ELMOD1: variants seen among roughly 807,000 people sequenced by gnomAD.
The protein encoded by ELMOD1 is ELMO domain-containing protein 1.
A neutral mutation model predicts 46.7 loss-of-function variants in ELMOD1; 21 were observed. The observed-to-expected ratio is 0.45, with a 90% CI of 0.32 to 0.65. The LOEUF (loss-of-function observed/expected upper bound fraction) is 0.65. ELMOD1 is among the 30% of genes least tolerant of loss of function. The pLI is 0.04. For missense variants in ELMOD1, 348 were observed against 407.8 expected (o/e 0.85, Z 1.26); for synonymous variants, 122 against 138.2 (o/e 0.88, Z 0.82).
intron 2 of ELMOD1, among the ~76,000 whole-genome samples, chr11:107,629,755 G>A (rs192903098): frequency 2.6e-5 from 4 of 152,294 alleles, no homozygotes; most frequent in East Asian, 1.9e-4. Context: ...AGGTCGTCAC[G>A]TCTAGGAAAA....
At chr11:107,647,398 G>T in intron 6 of ELMOD1, 70 bp from the exon 7 acceptor site, 1 of 1,452,244 alleles carries the variant, frequency 6.9e-7, no homozygotes, top group South Asian at 1.4e-5. Context: ...TCCTAATAAT[G>T]TAGTTTACAA....
In ELMOD1 at chr11:107,628,658, C is replaced by T. The variant is rs377235489; in HGVS notation, c.18-1759C>T. On this transcript the variant is annotated intron_variant, in intron 2 of 11. Coordinates refer to ENST00000265840, the MANE Select transcript of ELMOD1 (RefSeq NM_018712.4). ...AACAGTAAATCCATTTTTGTCTTTCCGCAGAATCTGGTTGACTTTGTACTG... is the reference window on the plus strand; with the variant it reads ...AACAGTAAATCCATTTTTGTCTTTCTGCAGAATCTGGTTGACTTTGTACTG... 1.7e-4 allele frequency among the ~76,000 whole-genome samples: 26 copies of T among 151,394 alleles called. 1 individual carries two copies. Among genetic ancestry groups the T allele is most frequent in the African/African-American group, 5.6e-4 (23 of 41,374 alleles).
intron 10 of ELMOD1, among the ~76,000 whole-genome samples, chr11:107,654,893 T>C (rs1318941488): frequency 6.6e-6 from 1 of 152,234 alleles, no homozygotes. Flanking sequence ...CCAAAAATAT[T>C]TCTGAATAGA....
intron 10 of ELMOD1, 148 bp downstream of exon 10, chr11:107,654,370 TG>T (rs1866584337): frequency 1.0e-5 from 7 of 697,652 alleles, no homozygotes; most frequent in Non-Finnish European, 1.5e-5. Flanking sequence ...CCCTTCTATA[TG>T]TTTGTGGATT....
intron 1 of ELMOD1, among the ~76,000 whole-genome samples, chr11:107,617,023 C>T (rs977923889): frequency 2.0e-5 from 3 of 152,232 alleles, no homozygotes; most frequent in African/African-American, 7.2e-5. Flanking sequence ...AATGAATAAA[C>T]GTTATTTTCC....
intron 1 of ELMOD1, among the ~76,000 whole-genome samples, chr11:107,608,755 A>G (rs980261825): frequency 6.6e-6 from 1 of 152,120 alleles, no homozygotes; most frequent in African/African-American, 2.4e-5. Flanking sequence ...GAGAGAGTTT[A>G]TTTTTCAGTG....
intron 1 of ELMOD1, among the ~76,000 whole-genome samples, chr11:107,595,512 G>A (rs1389084736): frequency 6.6e-6 from 1 of 152,140 alleles, no homozygotes; most frequent in Non-Finnish European, 1.5e-5. Context: ...GCAAGGCTTC[G>A]CATGAACACG....
chr11:107,610,518 G>A (rs1020034780), intron 1 of ELMOD1, among the ~76,000 whole-genome samples: 5 of 151,902 alleles, frequency 3.3e-5, no homozygotes, highest in Non-Finnish European at 7.4e-5. Context: ...ACAAAAATTA[G>A]CTGTGTGTGG....
Position 107,660,830 on chromosome 11 carries a change from G to A in ELMOD1, c.833-4195G>A, listed in dbSNP as rs186852784. Among the ~76,000 whole-genome samples the A allele has an allele frequency of 5.9e-5, 9 of 152,238 alleles. No individual in the cohort carries two copies. The East Asian group carries it at 7.7e-4, about 13-fold the overall frequency. On this transcript the variant is annotated intron_variant, in intron 11 of 11. Transcript: ENST00000265840. ...ATGCCACTTTGTTAGCTTCCATAGC[G>A]AACAAATCATCAGCTGCAATTATAC...
At chr11:107,621,350 G>A (rs1164138880) in intron 2 of ELMOD1, among the ~76,000 whole-genome samples, 1 of 152,122 alleles carries the variant, frequency 6.6e-6, no homozygotes, top group Non-Finnish European at 1.5e-5. Flanking sequence ...CAACTTTGAG[G>A]CAATCAAGGG....
At chr11:107,639,702 T>C (rs1206319414) in intron 6 of ELMOD1, among the ~76,000 whole-genome samples, 1 of 152,178 alleles carries the variant, frequency 6.6e-6, no homozygotes, top group African/African-American at 2.4e-5. Context: ...CTGTGATGGA[T>C]AACAGTCTGA....
intron 1 of ELMOD1, chr11:107,600,542 C>G: frequency 6.6e-6 from 1 of 152,274 alleles, no homozygotes; most frequent in Middle Eastern, 3.4e-3. Context: ...ATATTCTTAC[C>G]ATTTTCAATG....
At chr11:107,642,599 G>C (rs370931526) in intron 6 of ELMOD1, among the ~76,000 whole-genome samples, 19 of 151,888 alleles carry the variant, frequency 1.3e-4, no homozygotes, top group Non-Finnish European at 2.2e-4. Flanking sequence ...TTCAACTCCC[G>C]ACCTCGTGAT....
rs370119733 is a variant in ELMOD1, at chr11:107,655,898, G to A, written c.699-35G>A. 1.8e-4 allele frequency: 283 copies of A among 1,589,632 alleles called. 1 individual carries two copies. The highest frequency in any genetic ancestry group is 2.3e-4 in the Non-Finnish European group (271 of 1,166,604). ...TGGGAAATACTTATTTCTTCTATGT[G>A]ACACACAGTTGGTTTTGTGGTTTAT... On this transcript the variant is annotated intron_variant, in intron 10 of 11. Coordinates refer to ENST00000265840, the MANE Select transcript of ELMOD1 (RefSeq NM_018712.4).
intron 2 of ELMOD1, chr11:107,625,338 C>A: frequency 3.3e-6 from 3 of 918,678 alleles, no homozygotes; most frequent in Non-Finnish European, 3.9e-6. Context: ...GAACCAAGAA[C>A]TGTGATTATT....
chr11:107,657,913 T>A (rs1049549321), intron 11 of ELMOD1, among the ~76,000 whole-genome samples: 1 of 152,206 alleles, frequency 6.6e-6, no homozygotes, highest in Non-Finnish European at 1.5e-5. Context: ...AATATTACCA[T>A]GTTTGAACAC....
intron 1 of ELMOD1, among the ~76,000 whole-genome samples, chr11:107,594,418 A>G (rs1228944274): frequency 1.3e-5 from 2 of 152,186 alleles, no homozygotes; most frequent in African/African-American, 4.8e-5. Flanking sequence ...GATTTTAAAT[A>G]GTTGCCAATG....
intron 10 of ELMOD1, among the ~76,000 whole-genome samples, chr11:107,655,159 C>CTT (rs1866604634): frequency 6.6e-6 from 1 of 151,910 alleles, no homozygotes; most frequent in African/African-American, 2.4e-5. Context: ...CCTTGCACAT[C>CTT]TGTGTATATA....
chr11:107,647,363 C>T, intron 6 of ELMOD1, 105 bp from the exon 7 acceptor site: 1 of 881,534 alleles, frequency 1.1e-6, no homozygotes, highest in African/African-American at 1.7e-5. Context: ...AATGTATATG[C>T]ATACATTCAG....
Sources: allele counts gnomAD v4.1 joint callset (sites outside exome capture counted in the v4.1 genomes callset), GRCh38; gene constraint gnomAD v4.1.1; transcripts MANE v1.5; gene names NCBI Gene and HGNC (gene_info 2026-07-23, HGNC 2026-07-21).